NRXN3: variants seen among roughly 807,000 people sequenced by gnomAD.
The protein encoded by NRXN3 is neurexin 3, also known as neurexin III.
Under a neutral mutation model 137.6 loss-of-function variants are expected in NRXN3, and 32 were observed. That is an observed-to-expected ratio of 0.23 (90% CI 0.18 to 0.31). NRXN3 has a LOEUF of 0.31. Ranked by LOEUF, NRXN3 falls within the 10% of genes least tolerant of loss-of-function variation. NRXN3 has a pLI of 1.00. For missense variants in NRXN3, 1,574 were observed against 2,062.5 expected (o/e 0.76, Z 4.59); for synonymous variants, 798 against 784.5 (o/e 1.02, Z -0.29).
At chr14:79,059,942 T>C (rs762754527) in intron 15 of NRXN3, among the ~76,000 whole-genome samples, 4 of 152,192 alleles carry the variant, frequency 2.6e-5, no homozygotes, top group Non-Finnish European at 4.4e-5. Context: ...AGGAAACTTA[T>C]TTTACTTGCC....
At chr14:79,700,324 G>A (rs2098750222) in intron 19 of NRXN3, among the ~76,000 whole-genome samples, 1 of 151,722 alleles carries the variant, frequency 6.6e-6, no homozygotes, top group Non-Finnish European at 1.5e-5. Flanking sequence ...AAGTGAGTGG[G>A]GAAAAAAAGG....
chr14:78,443,074 C>G (rs2094309745), intron 4 of NRXN3, among the ~76,000 whole-genome samples: 1 of 152,184 alleles, frequency 6.6e-6, no homozygotes, highest in Admixed American at 6.5e-5. Flanking sequence ...AATCTATTTC[C>G]TTTAACTGTG....
chr14:79,116,757 A>G (rs1283310213), intron 15 of NRXN3, among the ~76,000 whole-genome samples: 1 of 152,224 alleles, frequency 6.6e-6, no homozygotes, highest in African/African-American at 2.4e-5. Context: ...GAAGTTTGGG[A>G]GACTTCATTT....
intron 10 of NRXN3, among the ~76,000 whole-genome samples, chr14:78,914,648 A>C: frequency 6.6e-6 from 1 of 152,148 alleles, no homozygotes; most frequent in East Asian, 1.9e-4. Flanking sequence ...AGAAACAACA[A>C]AGAGGTCGTG....
rs562203012 is a variant in NRXN3, at chr14:79,456,658, A to G, written c.3263-10563A>G. ...AGGAGAATCTCTTGAACCTGGAGGC[A>G]GAGGTTGCTGTGAGCCCTGATCACC... On this transcript the variant is annotated intron_variant, in intron 15 of 20. Coordinates refer to ENST00000335750, the MANE Select transcript of NRXN3 (RefSeq NM_001330195.2). Among the ~76,000 whole-genome samples, 4 of 151,896 alleles carry G rather than the reference A, an allele frequency of 2.6e-5. No individual in the cohort carries two copies. In the East Asian group the frequency reaches 7.8e-4, roughly 30 times the overall value.
At chr14:78,176,383 T>G (rs1303755128) in intron 1 of NRXN3, among the ~76,000 whole-genome samples, 2 of 151,744 alleles carry the variant, frequency 1.3e-5, no homozygotes, top group South Asian at 2.1e-4. Flanking sequence ...TCCAAGTTTT[T>G]TTTTTTTTTT....
At chr14:79,376,226 A>G (rs1301198485) in intron 15 of NRXN3, among the ~76,000 whole-genome samples, 960 of 37,428 alleles carry the variant, frequency 0.026, 33 homozygotes, top group African/African-American at 0.049. Context: ...ATATATATAT[A>G]TATATATATA....
At chr14:78,889,607 A>G (rs570365568) in intron 10 of NRXN3, among the ~76,000 whole-genome samples, 30 of 152,132 alleles carry the variant, frequency 2.0e-4, no homozygotes, top group African/African-American at 7.0e-4. Context: ...CTCAACACAA[A>G]TTTAAAGAGT....
intron 20 of NRXN3, among the ~76,000 whole-genome samples, chr14:79,840,682 A>G (rs8003197): frequency 0.13 from 19,265 of 152,174 alleles, 1,334 homozygotes; most frequent in Middle Eastern, 0.2. Context: ...GCCCAGATTT[A>G]CTGCTATGTA....
intron 1 of NRXN3, among the ~76,000 whole-genome samples, chr14:78,191,005 G>C (rs1039074724): frequency 6.6e-6 from 1 of 152,092 alleles, no homozygotes; most frequent in Admixed American, 6.6e-5. Context: ...AAAGGAAATC[G>C]ATTTGTTTCT....
chr14:78,959,633 G>C (rs1158425538), intron 11 of NRXN3, among the ~76,000 whole-genome samples: 1 of 152,126 alleles, frequency 6.6e-6, no homozygotes, highest in Admixed American at 6.5e-5. Flanking sequence ...CTCAGAAGCG[G>C]GAGGTGAAGT....
chr14:79,335,717 CT>C (rs1487037860), intron 15 of NRXN3, among the ~76,000 whole-genome samples: 1 of 151,918 alleles, frequency 6.6e-6, no homozygotes, highest in Non-Finnish European at 1.5e-5. Flanking sequence ...ATACATATCA[CT>C]TTTTGGCTCT....
At chr14:79,034,119 C>G (rs1478527564) in intron 15 of NRXN3, among the ~76,000 whole-genome samples, 2 of 151,972 alleles carry the variant, frequency 1.3e-5, no homozygotes, top group Non-Finnish European at 2.9e-5. Context: ...TTCCTGGAGC[C>G]TCAACATGTG....
At chr14:79,056,153 A>G (rs1225483448) in intron 15 of NRXN3, among the ~76,000 whole-genome samples, 1 of 152,140 alleles carries the variant, frequency 6.6e-6, no homozygotes, top group African/African-American at 2.4e-5. Flanking sequence ...GATATGAAAG[A>G]TTCTTAGTCT....
intron 15 of NRXN3, among the ~76,000 whole-genome samples, chr14:79,128,928 T>G (rs1333637321): frequency 2.0e-5 from 3 of 152,044 alleles, no homozygotes; most frequent in African/African-American, 4.8e-5. Flanking sequence ...GTCGAGGAAT[T>G]TATCCATTTC....
chr14:78,302,957 C>T (rs569571696), intron 4 of NRXN3, among the ~76,000 whole-genome samples: 2 of 152,302 alleles, frequency 1.3e-5, no homozygotes, highest in South Asian at 4.1e-4. Context: ...CCTCTGTTCT[C>T]TTCTAGTCTA....
At chr14:78,658,180 CT>C (rs1009956834) in intron 6 of NRXN3, among the ~76,000 whole-genome samples, 4 of 152,118 alleles carry the variant, frequency 2.6e-5, no homozygotes, top group African/African-American at 9.7e-5. Context: ...CCAAGTGAGG[CT>C]TTTAGAATCA....
intron 4 of NRXN3, among the ~76,000 whole-genome samples, chr14:78,354,054 C>T (rs1299130973): frequency 3.9e-5 from 6 of 152,240 alleles, no homozygotes; most frequent in Non-Finnish European, 5.9e-5. Context: ...ACTGTTCACA[C>T]TGTAGCTTTA....
intron 17 of NRXN3, among the ~76,000 whole-genome samples, chr14:79,673,213 T>C (rs952081244): frequency 1.1e-4 from 16 of 152,086 alleles, no homozygotes; most frequent in African/African-American, 3.6e-4. Flanking sequence ...TTCATGGAGT[T>C]AACATGAATT....
Sources: gnomAD v4.1 joint callset for allele counts (sites outside exome capture counted in the v4.1 genomes callset) on GRCh38, gnomAD v4.1.1 for gene constraint, MANE v1.5 for transcripts, NCBI Gene and HGNC (gene_info 2026-07-23, HGNC 2026-07-21) for gene names.